The following ZKSCAN1 variants were observed in gnomAD, a reference collection of about 807,000 sequenced individuals.
ZKSCAN1 encodes the protein zinc finger protein with KRAB and SCAN domains 1.
A neutral mutation model predicts 51.6 loss-of-function variants in ZKSCAN1; 14 were observed. The observed-to-expected ratio is 0.27, with a 90% confidence interval of 0.18 to 0.42. ZKSCAN1 has a LOEUF of 0.42. ZKSCAN1 is among the 10% of genes least tolerant of loss of function. ZKSCAN1 has a pLI of 1.00. For synonymous variants in ZKSCAN1, 263 were observed against 261.5 expected (o/e 1.01, Z -0.06); for missense variants, 531 against 710.0 (o/e 0.75, Z 2.86).
chr7:100,039,986 G>GTTT lies in ZKSCAN1; in HGVS notation c.*5798_*5800dup, dbSNP rs897915768. ...AAAGTTTTTCTAACATAGATTTAGG[G>GTTT]TTTTTTTTTTTAGAGTGGACACACT... On this transcript the variant is annotated 3_prime_UTR_variant, in exon 6 of 6. Coordinates refer to ENST00000324306, the MANE Select transcript of ZKSCAN1 (RefSeq NM_003439.4). 6 of 764,980 alleles carry GTTT rather than the reference G, an allele frequency of 7.8e-6. No individual in the cohort carries two copies. The highest frequency in any genetic ancestry group is 2.0e-5 in the African/African-American group (1 of 51,206). 47.4% of individuals were successfully genotyped at this position (764,980 alleles called of 1,614,324 possible).
At chr7:100,021,925 A>G (rs976393171) in intron 1 of ZKSCAN1, among the ~76,000 whole-genome samples, 8 of 151,124 alleles carry the variant, frequency 5.3e-5, no homozygotes, top group Non-Finnish European at 1.2e-4. Flanking sequence ...TTTCTTTTTC[A>G]TAGGGACAGG....
At chr7:100,043,215 C>A (rs1309738384), downstream of ZKSCAN1, among the ~76,000 whole-genome samples, 1 of 151,992 alleles carries the variant, frequency 6.6e-6, no homozygotes, top group East Asian at 1.9e-4. Context: ...CACACCCAGC[C>A]CTATTTTTTC....
chr7:100,026,776 CT>C (rs1358891869), intron 3 of ZKSCAN1, among the ~76,000 whole-genome samples: 1 of 151,810 alleles, frequency 6.6e-6, no homozygotes, highest in South Asian at 2.1e-4. Flanking sequence ...CTTACTGTAA[CT>C]TTTTTACTTT....
intron 3 of ZKSCAN1, chr7:100,024,763 G>A (rs1481526547): frequency 6.4e-6 from 1 of 156,798 alleles, no homozygotes; most frequent in Non-Finnish European, 1.4e-5. Context: ...AGCCAGGCAT[G>A]GTGGCACATT....
In ZKSCAN1 at chr7:100,023,722, G is replaced by A; in HGVS notation, c.216G>A (p.Glu72=). The A allele has an allele frequency of 5.6e-6, 9 of 1,614,192 alleles. No individual in the cohort carries two copies. The highest frequency in any genetic ancestry group is 7.6e-6 in the Non-Finnish European group (9 of 1,180,044). ...FCYQNTFGPR[E]ALSRLKELCH... The stretch of plus-strand genomic sequence containing the variant: ...ACCAGAACACTTTTGGGCCCCGAGA[G>A]GCTCTCAGTCGGCTGAAGGAACTTT... Residue 72 remains glutamate, a synonymous_variant, in exon 2 of 6, where the codon GAG becomes GAA. Coordinates refer to ENST00000324306, the MANE Select transcript of ZKSCAN1 (RefSeq NM_003439.4).
chr7:100,042,984 T>A (rs1169253042), downstream of ZKSCAN1, among the ~76,000 whole-genome samples: 2 of 152,062 alleles, frequency 1.3e-5, no homozygotes, highest in African/African-American at 4.8e-5. Flanking sequence ...TATGTTTTAG[T>A]AGAGACGGGG....
intron 3 of ZKSCAN1, among the ~76,000 whole-genome samples, chr7:100,028,595 A>C (rs989848493): frequency 3.3e-5 from 5 of 152,162 alleles, no homozygotes; most frequent in Non-Finnish European, 7.3e-5. Context: ...TCTCACTAAC[A>C]TCATCTGTCT....
chr7:100,044,212 A>T (rs1262193227), downstream of ZKSCAN1, among the ~76,000 whole-genome samples: 2 of 151,980 alleles, frequency 1.3e-5, no homozygotes, highest in Non-Finnish European at 2.9e-5. Context: ...ATCATTTTCC[A>T]TACACTGACC....
At chr7:100,044,193 T>C (rs1254261469), downstream of ZKSCAN1, among the ~76,000 whole-genome samples, 1 of 152,090 alleles carries the variant, frequency 6.6e-6, no homozygotes, top group Non-Finnish European at 1.5e-5. Flanking sequence ...CCTCTGATGT[T>C]TCCTCTTGAT....
At chr7:100,032,841 C>T (rs1761866388) in intron 5 of ZKSCAN1, among the ~76,000 whole-genome samples, 1 of 151,984 alleles carries the variant, frequency 6.6e-6, no homozygotes, top group Non-Finnish European at 1.5e-5. Context: ...ACCCCGTCTA[C>T]ACTAAAAATA....
At chr7:100,030,794 G>A (rs999161483) in intron 5 of ZKSCAN1, among the ~76,000 whole-genome samples, 2 of 152,132 alleles carry the variant, frequency 1.3e-5, no homozygotes, top group Non-Finnish European at 2.9e-5. Flanking sequence ...CCACATTCCC[G>A]AAACTACCAA....
chr7:100,043,377 T>C (rs968041800), downstream of ZKSCAN1, among the ~76,000 whole-genome samples: 3 of 150,018 alleles, frequency 2.0e-5, no homozygotes, highest in African/African-American at 7.4e-5. Context: ...CAGAACTGGA[T>C]TTTATTTTTC....
chr7:100,032,033 C>T (rs542266256), intron 5 of ZKSCAN1, among the ~76,000 whole-genome samples: 2 of 152,302 alleles, frequency 1.3e-5, no homozygotes, highest in East Asian at 3.9e-4. Context: ...GAGCTGTGCT[C>T]ATGCCACTGT....
downstream of ZKSCAN1, among the ~76,000 whole-genome samples, chr7:100,042,399 T>G (rs1275790443): frequency 6.6e-6 from 1 of 151,956 alleles, no homozygotes; most frequent in African/African-American, 2.4e-5. Context: ...TCTGACTGTT[T>G]TTACTCACAC....
chr7:100,039,439 G>A lies in ZKSCAN1; in HGVS notation c.*5242G>A, dbSNP rs538419637. The A allele has an allele frequency of 5.1e-6, 5 of 985,294 alleles. No homozygotes were observed. Among genetic ancestry groups the A allele is most frequent in the East Asian group, 1.1e-4 (1 of 8,836 alleles). 61.0% of individuals were successfully genotyped at this position (985,294 alleles called of 1,614,324 possible). A position where few individuals can be genotyped will look rare whatever the true frequency, so the allele number is the denominator to read the frequency against. On this transcript the variant is annotated 3_prime_UTR_variant, in exon 6 of 6. Transcript: ENST00000324306. Reference sequence around the variant, plus strand: ...GCAAGAAGTCTGTCTGATGAAGCTCGGGAAGCATTTTGCAATATTCCCTTT... The same window carrying A: ...GCAAGAAGTCTGTCTGATGAAGCTCAGGAAGCATTTTGCAATATTCCCTTT...
intron 1 of ZKSCAN1, among the ~76,000 whole-genome samples, chr7:100,016,580 C>T (rs1250505422): frequency 6.6e-6 from 1 of 152,140 alleles, no homozygotes; most frequent in African/African-American, 2.4e-5. Flanking sequence ...TCTCAAAAGG[C>T]CCTTCCGACT....
At chr7:100,020,634 C>T (rs952365046) in intron 1 of ZKSCAN1, among the ~76,000 whole-genome samples, 4 of 151,994 alleles carry the variant, frequency 2.6e-5, no homozygotes, top group Non-Finnish European at 4.4e-5. Flanking sequence ...CCAGCCTGGG[C>T]GATAGAGCAA....
In ZKSCAN1 at chr7:100,040,419, A is replaced by G; in HGVS notation, c.*6222A>G. 1 of 985,468 alleles carries G rather than the reference A, an allele frequency of 1.0e-6. No homozygotes were observed. The highest frequency in any genetic ancestry group is 1.2e-6 in the Non-Finnish European group (1 of 829,942). 61.0% of individuals were successfully genotyped at this position (985,468 alleles called of 1,614,324 possible). A position where few individuals can be genotyped will look rare whatever the true frequency, so the allele number is the denominator to read the frequency against. ...TAATCAGTAAAGTGAATACGTTTTTAAAATGGAATTTTCTCCCTTCAGCAA... is the reference window on the plus strand; with the variant it reads ...TAATCAGTAAAGTGAATACGTTTTTGAAATGGAATTTTCTCCCTTCAGCAA... On this transcript the variant is annotated 3_prime_UTR_variant, in exon 6 of 6. Coordinates refer to ENST00000324306, the MANE Select transcript of ZKSCAN1 (RefSeq NM_003439.4).
chr7:100,030,303 T>A lies in ZKSCAN1; in HGVS notation c.727T>A (p.Cys243Ser). 1 of 1,614,144 alleles carries A rather than the reference T, an allele frequency of 6.2e-7. No individual in the cohort carries two copies. Among genetic ancestry groups the A allele is most frequent in the Non-Finnish European group, 8.5e-7 (1 of 1,180,014 alleles). ...AVSLILEEWG[C>S]QNLARRNLSR... ...GTCCCTCATTCTGGAGGAATGGGGA[T>A]GTCAGAATCTGGCTCGGAGGAATCT... The change falls in exon 5 of 6, where the codon TGT becomes AGT. Residue 243 changes from cysteine (C) to serine (S), a missense_variant. By Grantham distance (112) the Cys-to-Ser change is moderately radical. This residue lies in a region of ZKSCAN1 where 403 missense variants were observed against 490.5 expected (regional missense o/e 0.82). Transcript: ENST00000324306.
Sources: allele counts gnomAD v4.1 joint callset (sites outside exome capture counted in the v4.1 genomes callset), GRCh38; gene constraint gnomAD v4.1.1; regional missense constraint gnomAD v4.1.1; transcripts MANE v1.5; gene names NCBI Gene and HGNC (gene_info 2026-07-23, HGNC 2026-07-21).